Variants in NPIPB8 observed in about 807,000 individuals in gnomAD.
NPIPB8 encodes the protein nuclear pore complex-interacting protein family member B8.
NPIPB8 carries 3 observed loss-of-function variants against 5.3 expected under a neutral mutation model. The observed-to-expected ratio is 0.57, with a 90% CI of 0.26 to 1.47. The LOEUF (loss-of-function observed/expected upper bound fraction) is 1.47, where lower values mean the gene tolerates loss of function less well. NPIPB8 is among the 40% of genes most tolerant of loss of function. NPIPB8 has a pLI of 0.13. For synonymous variants in NPIPB8, 18 were observed against 23.0 expected (o/e 0.78, Z 0.62); for missense variants, 50 against 50.2 (o/e 1.00, Z 0.01).
At chr16:28,652,765 C>A (rs1421206101) in intron 5 of NPIPB8, among the ~76,000 whole-genome samples, 3 of 136,706 alleles carry the variant, frequency 2.2e-5, no homozygotes, top group Non-Finnish European at 4.7e-5. Context: ...CCATGCCCAG[C>A]TAATTTTTGT....
chr16:28,652,939 C>G (rs2048068223), intron 5 of NPIPB8, among the ~76,000 whole-genome samples: 1 of 129,504 alleles, frequency 7.7e-6, no homozygotes, highest in Non-Finnish European at 1.6e-5. Flanking sequence ...GATAGAATCT[C>G]GCTCTGTCGC....
At chr16:28,638,229 T>C in intron 1 of NPIPB8, 79 bp downstream of exon 1, 1 of 1,498,910 alleles carries the variant, frequency 6.7e-7, no homozygotes, top group South Asian at 1.2e-5. Context: ...TTCTGTCCTT[T>C]TCTGAAGCCC....
At chr16:28,640,583 A>G (rs3987663) in intron 2 of NPIPB8, among the ~76,000 whole-genome samples, 39,463 of 151,894 alleles carry the variant, frequency 0.26, 5,446 homozygotes, top group Non-Finnish European at 0.29. Flanking sequence ...CTCCATTAAG[A>G]CCGTCATATG....
chr16:28,640,064 G>C (rs1477832720), intron 2 of NPIPB8, among the ~76,000 whole-genome samples: 1 of 151,456 alleles, frequency 6.6e-6, no homozygotes, highest in Non-Finnish European at 1.5e-5. Flanking sequence ...TTACAGAGTT[G>C]AAACTGAGGC....
chr16:28,641,773 G>A (rs2065688137), intron 2 of NPIPB8, among the ~76,000 whole-genome samples: 1 of 131,562 alleles, frequency 7.6e-6, no homozygotes, highest in Non-Finnish European at 1.6e-5. Flanking sequence ...AAGGAAACCA[G>A]CCCAGGGTCA....
At chr16:28,642,020 T>G (rs2047905893) in intron 2 of NPIPB8, among the ~76,000 whole-genome samples, 1 of 151,156 alleles carries the variant, frequency 6.6e-6, no homozygotes, top group Non-Finnish European at 1.5e-5. Flanking sequence ...TAGTACTCTC[T>G]GCCATTCACT....
rs938387852 is a variant in NPIPB8 at position 28,644,665 on chromosome 16, C to A, written c.121-3470C>A. The A allele has an allele frequency of 3.6e-6, 5 of 1,407,782 alleles. 1 individual carries two copies. In the South Asian group the frequency reaches 6.2e-5, roughly 17 times the overall value. 87.2% of individuals were successfully genotyped at this position (1,407,782 alleles called of 1,614,324 possible). Reference sequence around the variant, plus strand: ...CCATCAGCCCACCCCTGTGAGTAGACGCTGGACCCGCGGGGTTTCTTCCTT... The same window carrying A: ...CCATCAGCCCACCCCTGTGAGTAGAAGCTGGACCCGCGGGGTTTCTTCCTT... On this transcript the variant is annotated intron_variant, in intron 2 of 7. Coordinates refer to ENST00000683297, the MANE Select transcript of NPIPB8 (RefSeq NM_001310136.2).
rs2047954494 is a variant in NPIPB8, at chr16:28,644,203, CT to C, written c.121-3931del. On this transcript the variant is annotated intron_variant, in intron 2 of 7. Transcript: ENST00000683297. ...TTGGCAGATAGCAGAACCTTTTTGTCTCCCTCTCATTGCTCCTAAGCCTCAC... is the reference window on the plus strand; with the variant it reads ...TTGGCAGATAGCAGAACCTTTTTGTCCCCTCTCATTGCTCCTAAGCCTCAC... 2.4e-5 allele frequency among the ~76,000 whole-genome samples: 2 copies of C among 84,574 alleles called. 1 individual carries two copies. Among genetic ancestry groups the C allele is most frequent in the Non-Finnish European group, 4.3e-5 (2 of 46,048 alleles). 55.5% of individuals were successfully genotyped at this position (84,574 alleles called of 152,430 possible).
At chr16:28,641,967 G>C (rs1191940273) in intron 2 of NPIPB8, among the ~76,000 whole-genome samples, 1 of 145,904 alleles carries the variant, frequency 6.9e-6, no homozygotes, top group Non-Finnish European at 1.5e-5. Context: ...GTCTCTGCTT[G>C]GGCTATGATC....
At chr16:28,642,545 T>A (rs547410271) in intron 2 of NPIPB8, among the ~76,000 whole-genome samples, 1 of 150,434 alleles carries the variant, frequency 6.6e-6, no homozygotes, top group Non-Finnish European at 1.5e-5. Flanking sequence ...AGTGCAGTGG[T>A]GCAATCTCGG....
At chr16:28,644,452 C>G (rs2047960502) in intron 2 of NPIPB8, 1 of 18,456 alleles carries the variant, frequency 5.4e-5, no homozygotes, top group Non-Finnish European at 1.1e-4. Flanking sequence ...CTCCCCCTCC[C>G]CCTCCCCTCC....
chr16:28,640,543 C>T (rs1173071603), intron 2 of NPIPB8, among the ~76,000 whole-genome samples: 3 of 152,094 alleles, frequency 2.0e-5, no homozygotes, highest in South Asian at 4.2e-4. Context: ...TTTCAAGTGG[C>T]CCAGGAGAGA....
chr16:28,639,727 A>T (rs574087979), intron 2 of NPIPB8, among the ~76,000 whole-genome samples: 61 of 149,124 alleles, frequency 4.1e-4, no homozygotes, highest in Non-Finnish European at 4.9e-4. Flanking sequence ...TGCTGGGACT[A>T]TAGGTGTGAG....
At chr16:28,645,156 G>C (rs2047979093) in intron 2 of NPIPB8, among the ~76,000 whole-genome samples, 1 of 133,560 alleles carries the variant, frequency 7.5e-6, no homozygotes, top group Non-Finnish European at 1.7e-5. Flanking sequence ...CAATTGTCCT[G>C]CCCCAGCCTC....
rs2047827645 is a variant in NPIPB8, at chr16:28,638,318, A to G, written c.-38-5A>G. 1.9e-6 allele frequency: 3 copies of G among 1,559,228 alleles called. No individual in the cohort carries two copies. The highest frequency in any genetic ancestry group is 2.8e-5 in the African/African-American group (2 of 72,622). On this transcript the variant is annotated splice_region_variant and splice_polypyrimidine_tract_variant and intron_variant, in intron 1 of 7. Coordinates refer to ENST00000683297, the MANE Select transcript of NPIPB8 (RefSeq NM_001310136.2). ...AACAAACTTTTTTTCTTAATTGTCT[A>G]ATAGGTTGGCACTCATCATGAGCCC... is the stretch of plus-strand genomic sequence containing the variant.
At chr16:28,652,585 C>G (rs1250004046) in intron 5 of NPIPB8, among the ~76,000 whole-genome samples, 2 of 108,028 alleles carry the variant, frequency 1.9e-5, no homozygotes, top group African/African-American at 4.2e-5. Context: ...GTTGCTAGTA[C>G]TGGCATTGGT....
At chr16:28,641,650 A>G (rs3874741) in intron 2 of NPIPB8, among the ~76,000 whole-genome samples, 1 of 133,844 alleles carries the variant, frequency 7.5e-6, no homozygotes, top group Non-Finnish European at 1.7e-5. Flanking sequence ...CTGGAACGAA[A>G]GATGCCCTTG....
At chr16:28,642,169 G>A (rs1208290862) in intron 2 of NPIPB8, among the ~76,000 whole-genome samples, 4 of 150,506 alleles carry the variant, frequency 2.7e-5, no homozygotes, top group African/African-American at 4.9e-5. Context: ...GCAATGGCAC[G>A]ATCTCGGCTC....
intron 3 of NPIPB8, among the ~76,000 whole-genome samples, chr16:28,651,622 G>T: frequency 1.3e-5 from 1 of 78,132 alleles, no homozygotes; most frequent in East Asian, 3.1e-4. Flanking sequence ...GTGTGTGTGT[G>T]TGTGTGTGTG....
Sources: allele counts gnomAD v4.1 joint callset (sites outside exome capture counted in the v4.1 genomes callset), GRCh38; gene constraint gnomAD v4.1.1; transcripts MANE v1.5; gene names NCBI Gene and HGNC (gene_info 2026-07-23, HGNC 2026-07-21).